Variants in GABRG3 observed in about 807,000 individuals in gnomAD.
GABRG3 encodes the protein gamma-aminobutyric acid receptor subunit gamma-3.
In GABRG3, 25 loss-of-function variants were observed where a neutral mutation model predicts 48.8. That is an observed-to-expected ratio of 0.51 (90% confidence interval 0.37 to 0.72). The LOEUF (loss-of-function observed/expected upper bound fraction) is 0.72. Ranked by LOEUF, GABRG3 falls within the 30% of genes least tolerant of loss-of-function variation. GABRG3 has a pLI of 0.00. For missense variants in GABRG3, 394 were observed against 577.9 expected, an observed-to-expected ratio of 0.68 and a Z score of 3.26; for synonymous variants, 227 against 217.6, an observed-to-expected ratio of 1.04 and a Z score of -0.38.
At chr15:26,994,503 C>T (rs1245692712) in intron 2 of GABRG3, among the ~76,000 whole-genome samples, 3 of 151,874 alleles carry the variant, frequency 2.0e-5, no homozygotes, top group African/African-American at 7.2e-5. Flanking sequence ...TTAAATTTGC[C>T]CACTTTCTAA....
At chr15:27,097,929 A>G (rs1761631763) in intron 3 of GABRG3, among the ~76,000 whole-genome samples, 1 of 145,236 alleles carries the variant, frequency 6.9e-6, no homozygotes, top group African/African-American at 2.7e-5. Flanking sequence ...TTTCTTCTTA[A>G]ATCTATTATT....
intron 3 of GABRG3, among the ~76,000 whole-genome samples, chr15:27,042,781 C>T (rs189933807): frequency 3.9e-4 from 59 of 152,346 alleles, no homozygotes; most frequent in Admixed American, 5.9e-4. Context: ...TGACTCTCAC[C>T]GTCGGGTCTG....
At chr15:26,977,230 T>C in intron 2 of GABRG3, 80 bp downstream of exon 2, 1 of 1,409,984 alleles carries the variant, frequency 7.1e-7, no homozygotes, top group Non-Finnish European at 9.7e-7. Flanking sequence ...AATTGTGAAT[T>C]CCAAGAGTAT....
chr15:27,206,154 A>G (rs1218358605), intron 3 of GABRG3, among the ~76,000 whole-genome samples: 1 of 152,066 alleles, frequency 6.6e-6, no homozygotes, highest in Non-Finnish European at 1.5e-5. Context: ...TACATTGTTA[A>G]TTTGAGATCT....
chr15:27,301,069 A>T (rs577197232), intron 3 of GABRG3, among the ~76,000 whole-genome samples: 1 of 152,346 alleles, frequency 6.6e-6, no homozygotes, highest in African/African-American at 2.4e-5. Context: ...TAAGATGGAT[A>T]AGTAGCAATT....
At chr15:27,212,862 C>T (rs1222720604) in intron 3 of GABRG3, among the ~76,000 whole-genome samples, 1 of 152,196 alleles carries the variant, frequency 6.6e-6, no homozygotes. Context: ...ACTTACTTTA[C>T]TCAGCATCAT....
rs148680036 is a variant in GABRG3 at position 27,323,859 on chromosome 15, G to A, written c.271-2950G>A. ...TTCTCACCCAGGGCACGTGGTTCACGTGAGTCAGCAGAGCTCTGCTCCACA... is the reference window on the plus strand; with the variant it reads ...TTCTCACCCAGGGCACGTGGTTCACATGAGTCAGCAGAGCTCTGCTCCACA... On this transcript the variant is annotated intron_variant, in intron 3 of 9. Transcript: ENST00000615808. Among the ~76,000 whole-genome samples the A allele has an allele frequency of 1.2e-4, 18 of 152,280 alleles. No homozygotes were observed. The East Asian group carries it at 2.3e-3, about 20-fold the overall frequency.
At chr15:27,132,583 A>G (rs1018230642) in intron 3 of GABRG3, among the ~76,000 whole-genome samples, 5 of 135,510 alleles carry the variant, frequency 3.7e-5, no homozygotes, top group South Asian at 4.8e-4. Context: ...TGGGTTTTCT[A>G]TTTATTGGTG....
chr15:27,364,453 T>C (rs531442199), intron 5 of GABRG3: 1 of 152,370 alleles, frequency 6.6e-6, no homozygotes, highest in South Asian at 2.1e-4. Flanking sequence ...GTGTTTCTTC[T>C]TTGAGGACAG....
intron 3 of GABRG3, among the ~76,000 whole-genome samples, chr15:27,213,230 C>T (rs1889129681): frequency 2.0e-5 from 3 of 152,200 alleles, no homozygotes; most frequent in Admixed American, 2.0e-4. Context: ...CAACTAGTCA[C>T]AACTAGTGAG....
At chr15:27,221,914 C>G (rs1487738762) in intron 3 of GABRG3, among the ~76,000 whole-genome samples, 1 of 152,152 alleles carries the variant, frequency 6.6e-6, no homozygotes, top group Non-Finnish European at 1.5e-5. Context: ...GTATGATTGT[C>G]CCCAAATGGG....
chr15:27,419,542 G>A (rs1888046682), intron 5 of GABRG3, among the ~76,000 whole-genome samples: 1 of 152,128 alleles, frequency 6.6e-6, no homozygotes. Context: ...TGTTACCAAA[G>A]GATGGAGCCT....
chr15:27,097,865 G>A (rs1416197539), intron 3 of GABRG3, among the ~76,000 whole-genome samples: 1 of 151,622 alleles, frequency 6.6e-6, no homozygotes, highest in Non-Finnish European at 1.5e-5. Flanking sequence ...GGATATCTAT[G>A]ATAAATGACA....
chr15:27,257,242 T>C (rs1890649754), intron 3 of GABRG3, among the ~76,000 whole-genome samples: 1 of 152,232 alleles, frequency 6.6e-6, no homozygotes, highest in Non-Finnish European at 1.5e-5. Context: ...TTGTCCTTTT[T>C]AAAATCAGTT....
At chr15:27,124,324 C>T (rs1897781234) in intron 3 of GABRG3, among the ~76,000 whole-genome samples, 1 of 152,158 alleles carries the variant, frequency 6.6e-6, no homozygotes, top group Non-Finnish European at 1.5e-5. Flanking sequence ...CTTCTAGGAT[C>T]TTCAGGGCAG....
chr15:27,441,388 C>G (rs1888779341), intron 5 of GABRG3, among the ~76,000 whole-genome samples: 1 of 152,150 alleles, frequency 6.6e-6, no homozygotes. Flanking sequence ...ATTTAGCCAG[C>G]AAAGCACAGA....
chr15:27,483,901 C>G (rs1890156727), intron 6 of GABRG3, among the ~76,000 whole-genome samples: 1 of 152,160 alleles, frequency 6.6e-6, no homozygotes, highest in African/African-American at 2.4e-5. Context: ...CTTGCACTAG[C>G]CAAAGGCCAC....
At chr15:27,308,339 TA>T (rs1320735671) in intron 3 of GABRG3, among the ~76,000 whole-genome samples, 26 of 130,940 alleles carry the variant, frequency 2.0e-4, no homozygotes, top group East Asian at 8.5e-4. Context: ...TATATAAACA[TA>T]ATATAAACAT....
intron 3 of GABRG3, among the ~76,000 whole-genome samples, chr15:27,088,829 G>A (rs1897134170): frequency 6.6e-6 from 1 of 152,134 alleles, no homozygotes; most frequent in Non-Finnish European, 1.5e-5. Flanking sequence ...CCATGTGAGT[G>A]CCCGAGGAAG....
Sources: gnomAD v4.1 joint callset for allele counts (sites outside exome capture counted in the v4.1 genomes callset) on GRCh38, gnomAD v4.1.1 for gene constraint, MANE v1.5 for transcripts, NCBI Gene and HGNC (gene_info 2026-07-23, HGNC 2026-07-21) for gene names.